AKAP6: variants seen among roughly 807,000 people sequenced by gnomAD.
The protein encoded by AKAP6 is A-kinase anchor protein 6.
In AKAP6, 58 loss-of-function variants were observed where a neutral mutation model predicts 188.5. The ratio of observed to expected loss-of-function variants is 0.31; its 90% confidence interval spans 0.25 to 0.38. AKAP6 has a LOEUF of 0.38. AKAP6 is among the 10% of genes least tolerant of loss of function. AKAP6 has a pLI of 1.00. For synonymous variants in AKAP6, 989 were observed against 998.6 expected, an observed-to-expected ratio of 0.99 and a Z score of 0.18; for missense variants, 2,710 against 2,740.0, an observed-to-expected ratio of 0.99 and a Z score of 0.24.
At chr14:32,566,370 TTAAAA>T (rs549767460) in intron 4 of AKAP6, among the ~76,000 whole-genome samples, 1 of 152,098 alleles carries the variant, frequency 6.6e-6, no homozygotes, top group African/African-American at 2.4e-5. Flanking sequence ...TTTTAAATTG[TTAAAA>T]TGAATATTGA....
chr14:32,793,185 C>A (rs1383588855), intron 12 of AKAP6, among the ~76,000 whole-genome samples: 2 of 152,060 alleles, frequency 1.3e-5, no homozygotes, highest in African/African-American at 4.8e-5. Flanking sequence ...CAATACTAAC[C>A]TTAAATGTAA....
chr14:32,591,617 AT>A (rs200021947), intron 5 of AKAP6, among the ~76,000 whole-genome samples: 185 of 147,250 alleles, frequency 1.3e-3, no homozygotes, highest in African/African-American at 4.6e-3. Flanking sequence ...AAGAAGGAGG[AT>A]TTTTTTGTCT....
intron 2 of AKAP6, among the ~76,000 whole-genome samples, chr14:32,489,823 A>G (rs749512078): frequency 3.0e-4 from 46 of 152,204 alleles, no homozygotes; most frequent in Non-Finnish European, 6.3e-4. Flanking sequence ...TGCCACATAT[A>G]TTCTTTTGTG....
intron 11 of AKAP6, among the ~76,000 whole-genome samples, chr14:32,752,814 T>TA (rs1190257312): frequency 2.0e-5 from 3 of 152,206 alleles, no homozygotes; most frequent in African/African-American, 7.2e-5. Context: ...TTTCACTTAA[T>TA]ATAATGTCTT....
intron 4 of AKAP6, among the ~76,000 whole-genome samples, chr14:32,557,528 T>C (rs1192525299): frequency 6.6e-6 from 1 of 152,266 alleles, no homozygotes; most frequent in African/African-American, 2.4e-5. Context: ...ATCACGATTC[T>C]GCTATAAATT....
intron 9 of AKAP6, among the ~76,000 whole-genome samples, chr14:32,732,154 A>AC (rs1341086919): frequency 2.0e-5 from 3 of 151,680 alleles, no homozygotes; most frequent in African/African-American, 4.8e-5. Context: ...GTAATATTAA[A>AC]CCCCCCTAGA....
chr14:32,812,570 A>G lies in AKAP6; in HGVS notation c.3589-8832A>G, dbSNP rs148367467. Among the ~76,000 whole-genome samples the G allele has an allele frequency of 3.9e-5, 6 of 152,296 alleles. No individual in the cohort carries two copies. In the East Asian group the frequency reaches 1.2e-3, roughly 29 times the overall value. ...GACATGTAAAGCAACAGTCAAGATA[A>G]TTTATTTGCCAGTGAAAAGTAGATT... On this transcript the variant is annotated intron_variant, in intron 12 of 13. Transcript: ENST00000280979.
intron 3 of AKAP6, among the ~76,000 whole-genome samples, chr14:32,539,704 G>T (rs1594723220): frequency 6.6e-6 from 1 of 152,262 alleles, no homozygotes; most frequent in African/African-American, 2.4e-5. Flanking sequence ...AATATTGAAA[G>T]ATTTTTGTAT....
intron 6 of AKAP6, among the ~76,000 whole-genome samples, chr14:32,600,329 A>G (rs745964640): frequency 6.6e-6 from 1 of 152,170 alleles, no homozygotes; most frequent in Admixed American, 6.5e-5. Flanking sequence ...CTGTAATGTT[A>G]TTAATTTTTA....
intron 12 of AKAP6, 66 bp downstream of exon 12, chr14:32,773,959 G>A: frequency 6.7e-7 from 1 of 1,503,220 alleles, no homozygotes; most frequent in East Asian, 2.3e-5. Context: ...ATTCTTTCAG[G>A]CTTGGAAACG....
chr14:32,407,522 A>G (rs946847868), intron 1 of AKAP6, among the ~76,000 whole-genome samples: 1 of 152,164 alleles, frequency 6.6e-6, no homozygotes, highest in Admixed American at 6.5e-5. Flanking sequence ...GGGGAGGCTG[A>G]CCTGAACAGA....
chr14:32,407,285 T>A (rs568805110), intron 1 of AKAP6, among the ~76,000 whole-genome samples: 22 of 152,368 alleles, frequency 1.4e-4, no homozygotes, highest in African/African-American at 5.3e-4. Context: ...TCATGTCAGA[T>A]GTTCAGTTGC....
chr14:32,369,769 C>T (rs1380028997), intron 1 of AKAP6, among the ~76,000 whole-genome samples: 1 of 152,136 alleles, frequency 6.6e-6, no homozygotes, highest in Non-Finnish European at 1.5e-5. Context: ...TGTAAGTTCC[C>T]TTTAAATCAT....
At chr14:32,676,453 T>G (rs1186445558) in intron 7 of AKAP6, among the ~76,000 whole-genome samples, 4 of 152,182 alleles carry the variant, frequency 2.6e-5, no homozygotes, top group Non-Finnish European at 5.9e-5. Flanking sequence ...ATACCTCCTC[T>G]TCCACATCAT....
intron 1 of AKAP6, among the ~76,000 whole-genome samples, chr14:32,357,307 G>A (rs1455054718): frequency 6.6e-6 from 1 of 152,184 alleles, no homozygotes; most frequent in Non-Finnish European, 1.5e-5. Context: ...ACTAGGTCGA[G>A]GAACTGTTGC....
At chr14:32,738,856 G>C (rs961100696) in intron 11 of AKAP6, among the ~76,000 whole-genome samples, 2 of 152,112 alleles carry the variant, frequency 1.3e-5, no homozygotes, top group African/African-American at 4.8e-5. Flanking sequence ...TAGTGCAAAA[G>C]CAGCCACAGA....
intron 2 of AKAP6, among the ~76,000 whole-genome samples, chr14:32,451,375 C>A (rs1354529708): frequency 6.6e-6 from 1 of 152,074 alleles, no homozygotes; most frequent in African/African-American, 2.4e-5. Flanking sequence ...ATTTATTTTT[C>A]TTTCTGGCCT....
At chr14:32,805,495 T>C (rs931105110) in intron 12 of AKAP6, among the ~76,000 whole-genome samples, 8 of 152,218 alleles carry the variant, frequency 5.3e-5, no homozygotes, top group Non-Finnish European at 1.0e-4. Context: ...AGCAACTTCC[T>C]TCCCAGTATG....
intron 4 of AKAP6, among the ~76,000 whole-genome samples, chr14:32,551,387 C>T (rs999064988): frequency 4.0e-5 from 6 of 151,844 alleles, no homozygotes; most frequent in African/African-American, 1.5e-4. Context: ...GCCTGGCCAA[C>T]ATGGTGAAAC....
Sources: gnomAD v4.1 joint callset for allele counts (sites outside exome capture counted in the v4.1 genomes callset) on GRCh38, gnomAD v4.1.1 for gene constraint, MANE v1.5 for transcripts, NCBI Gene and HGNC (gene_info 2026-07-23, HGNC 2026-07-21) for gene names.